ATP9A: variants seen among roughly 807,000 people sequenced by gnomAD.
ATP9A encodes the protein ATPase phospholipid transporting 9A.
In ATP9A, 52 loss-of-function variants were observed where a neutral mutation model predicts 144.1. That is an observed-to-expected ratio of 0.36 (90% CI 0.29 to 0.45). The LOEUF is 0.45. Among genes scored for constraint, ATP9A ranks in the 20% least tolerant of loss-of-function variants. ATP9A has a pLI of 1.00. For missense variants in ATP9A, 947 were observed against 1,392.7 expected, an observed-to-expected ratio of 0.68 and a Z score of 5.09; for synonymous variants, 582 against 557.4, an observed-to-expected ratio of 1.04 and a Z score of -0.62.
In ATP9A at chr20:51,747,098, G is replaced by GTTTT. The variant is rs11467381; in HGVS notation, c.69-17124_69-17121dup. 2.5e-3 allele frequency among the ~76,000 whole-genome samples: 345 copies of GTTTT among 138,676 alleles called. 2 individuals are homozygous for GTTTT. The highest frequency in any genetic ancestry group is 7.3e-3 in the African/African-American group (275 of 37,874). The allele number at this position is 138,676 out of a possible 152,430, so 91.0% of individuals were successfully genotyped here. The stretch of plus-strand genomic sequence containing the variant: ...AATACATCTAAGGTCTGGGTTTTTC[G>GTTTT]TTTTTTTTTTTTTTTTTCCTGTTTA... On this transcript the variant is annotated intron_variant, in intron 1 of 27. Coordinates refer to ENST00000338821, the MANE Select transcript of ATP9A (RefSeq NM_006045.3).
chr20:51,740,400 T>G (rs930665797), intron 1 of ATP9A, among the ~76,000 whole-genome samples: 1 of 147,768 alleles, frequency 6.8e-6, no homozygotes, highest in Non-Finnish European at 1.5e-5. Context: ...AGCCACTATC[T>G]AAAATCTTTT....
rs778726080 is a variant in ATP9A at position 51,694,114 on chromosome 20, A to G, written c.548-12T>C. 2 of 1,612,566 alleles carry G rather than the reference A, an allele frequency of 1.2e-6. No homozygotes were observed. Among genetic ancestry groups the G allele is most frequent in the African/African-American group, 2.7e-5 (2 of 74,890 alleles). On this transcript the variant is annotated splice_polypyrimidine_tract_variant and intron_variant, in intron 6 of 27. Coordinates refer to ENST00000338821, the MANE Select transcript of ATP9A (RefSeq NM_006045.3). ...CAAGAAGCATGACCCTGTGGAAGGA[A>G]GTCGGGTGCCGTCACCTGCACCTCA...
rs796093701 is a variant in ATP9A, at chr20:51,658,903, GAA to G, written c.1294-1755_1294-1754del. On this transcript the variant is annotated intron_variant, in intron 13 of 27. Coordinates refer to ENST00000338821, the MANE Select transcript of ATP9A (RefSeq NM_006045.3). ...AGACCACTGGCGGGGGGGGGGGGGG[GAA>G]GGCTCATTGTTGAACACAAGCCAAA... Among the ~76,000 whole-genome samples, 258 of 118,598 alleles carry G rather than the reference GAA, an allele frequency of 2.2e-3. 33 individuals carry two copies. The highest frequency in any genetic ancestry group is 8.4e-3 in the African/African-American group (240 of 28,490). 77.8% of individuals were successfully genotyped at this position (118,598 alleles called of 152,430 possible). A position where few individuals can be genotyped will look rare whatever the true frequency, so the allele number is the denominator to read the frequency against.
intron 13 of ATP9A, among the ~76,000 whole-genome samples, chr20:51,662,988 T>C (rs193163080): frequency 1.8e-4 from 28 of 152,086 alleles, no homozygotes; most frequent in Admixed American, 1.2e-3. Flanking sequence ...AAGAATCGCT[T>C]GAACCCACGA....
chr20:51,603,819 C>T (rs1029654068), intron 27 of ATP9A, among the ~76,000 whole-genome samples: 1 of 152,106 alleles, frequency 6.6e-6, no homozygotes, highest in Non-Finnish European at 1.5e-5. Context: ...CTTACTCTGT[C>T]GCCCAGGCTA....
At chr20:51,625,140 G>A in intron 18 of ATP9A, 52 bp downstream of exon 18, 1 of 1,550,500 alleles carries the variant, frequency 6.4e-7, no homozygotes, top group Non-Finnish European at 8.7e-7. Context: ...CACTGCTGAG[G>A]GATAACTGGC....
intron 14 of ATP9A, among the ~76,000 whole-genome samples, chr20:51,650,921 ACGTATACCTGAACACAAG>A: frequency 6.6e-6 from 1 of 151,252 alleles, no homozygotes; most frequent in Admixed American, 6.6e-5. Flanking sequence ...ACACACACAC[ACGTATACCTGAACACAAG>A]CGTAAGTCCT....
chr20:51,722,607 A>C (rs1184012417), intron 3 of ATP9A, among the ~76,000 whole-genome samples: 2 of 152,254 alleles, frequency 1.3e-5, no homozygotes, highest in East Asian at 3.8e-4. Flanking sequence ...CAACATCACT[A>C]ATGATCAGGG....
At chr20:51,645,558 G>A (rs751951907) in intron 14 of ATP9A, among the ~76,000 whole-genome samples, 10 of 151,968 alleles carry the variant, frequency 6.6e-5, no homozygotes, top group Admixed American at 4.6e-4. Context: ...AAACAAGAAC[G>A]TTCTCAGTCT....
At chr20:51,700,379 A>C (rs1005825944) in intron 4 of ATP9A, among the ~76,000 whole-genome samples, 1 of 152,170 alleles carries the variant, frequency 6.6e-6, no homozygotes, top group African/African-American at 2.4e-5. Context: ...AAAATCAGCC[A>C]GGTGTGGTGA....
At chr20:51,741,983 A>AT (rs2077787120) in intron 1 of ATP9A, among the ~76,000 whole-genome samples, 6 of 152,174 alleles carry the variant, frequency 3.9e-5, no homozygotes, top group Admixed American at 3.9e-4. Flanking sequence ...TTTTATATAT[A>AT]AACTATTTGT....
At chr20:51,729,768 C>A (rs1332613636) in intron 2 of ATP9A, 66 bp downstream of exon 2, 17 of 1,462,410 alleles carry the variant, frequency 1.2e-5, no homozygotes, top group Non-Finnish European at 1.5e-5. Context: ...CATGACATAA[C>A]ATCTGTACCA....
At position 51,687,431 on chromosome 20, in the gene ATP9A, G is replaced by C. The variant is rs368254619; in HGVS notation, c.799+1633C>G. 9.9e-5 allele frequency among the ~76,000 whole-genome samples: 15 copies of C among 152,262 alleles called. 2 individuals are homozygous for C. Among genetic ancestry groups the C allele is most frequent in the Admixed American group, 2.0e-4 (3 of 15,290 alleles). ...TTGTGCTGCTTCATTCCCTCTCCTT[G>C]CCACACAGGATCCTAATCGAGTGTC... On this transcript the variant is annotated intron_variant, in intron 9 of 27. Transcript: ENST00000338821.
intron 15 of ATP9A, among the ~76,000 whole-genome samples, chr20:51,638,071 T>TTATATATATATATATATATATA (rs56043552): frequency 5.8e-5 from 2 of 34,194 alleles, no homozygotes; most frequent in Admixed American, 9.5e-4. Flanking sequence ...TTTCATCATT[T>TTATATATATATATATATATATA]TATATATATA....
intron 20 of ATP9A, 55 bp from the exon 21 acceptor site, chr20:51,618,861 T>C (rs2077214334): frequency 1.3e-6 from 2 of 1,581,542 alleles, no homozygotes; most frequent in South Asian, 2.3e-5. Context: ...GGTGCGTTGG[T>C]GGAGGTCGCT....
At chr20:51,721,318 C>T (rs933668637) in intron 3 of ATP9A, among the ~76,000 whole-genome samples, 3 of 152,144 alleles carry the variant, frequency 2.0e-5, no homozygotes, top group Non-Finnish European at 2.9e-5. Context: ...ACAACTTTCT[C>T]TTAGTCAAAA....
At chr20:51,602,174 G>C (rs886612323) in intron 27 of ATP9A, among the ~76,000 whole-genome samples, 1 of 152,108 alleles carries the variant, frequency 6.6e-6, no homozygotes, top group African/African-American at 2.4e-5. Context: ...AGGTGGGGGG[G>C]GCGGGCGTAC....
At chr20:51,654,632 G>T (rs2077379969) in intron 14 of ATP9A, among the ~76,000 whole-genome samples, 1 of 152,204 alleles carries the variant, frequency 6.6e-6, no homozygotes, top group African/African-American at 2.4e-5. Flanking sequence ...GGCTGAGGTG[G>T]GAGGATGGCT....
Position 51,676,162 on chromosome 20 carries a change from A to G in ATP9A, c.846T>C (p.Ser282=). The G allele has an allele frequency of 1.2e-6, 2 of 1,612,866 alleles. No individual in the cohort carries two copies. The highest frequency in any genetic ancestry group is 1.7e-6 in the Non-Finnish European group (2 of 1,179,636). ...VVLYTGRELR[S]VMNTSNPRSK... is the part of the protein sequence containing the mutation. ...TTCGGGGATTTGAGGTATTCATGAC[A>G]CTCCGGAGTTCTCTGCCAGTGTAAA... is the stretch of plus-strand genomic sequence containing the variant. The change falls in exon 10 of 28, where the codon AGT becomes AGC. Residue 282 remains serine (S), a synonymous_variant. Coordinates refer to ENST00000338821, the MANE Select transcript of ATP9A (RefSeq NM_006045.3).
Sources: gnomAD v4.1 joint callset for allele counts (sites outside exome capture counted in the v4.1 genomes callset) on GRCh38, gnomAD v4.1.1 for gene constraint, MANE v1.5 for transcripts, NCBI Gene and HGNC (gene_info 2026-07-23, HGNC 2026-07-21) for gene names.